The following GFRA2 variants were observed in gnomAD, a reference collection of about 807,000 sequenced individuals.
GFRA2 encodes GDNF family receptor alpha 2.
GFRA2 carries 17 observed loss-of-function variants against 48.3 expected under a neutral mutation model. The ratio of observed to expected loss-of-function variants is 0.35; its 90% confidence interval spans 0.24 to 0.53. The LOEUF is 0.53. Ranked by LOEUF, GFRA2 falls within the 20% of genes least tolerant of loss-of-function variation. GFRA2 has a pLI of 0.93. For synonymous variants in GFRA2, 305 were observed against 257.2 expected (o/e 1.19, Z -1.78); for missense variants, 660 against 637.3 (o/e 1.04, Z -0.38).
At chr8:21,754,553 G>C (rs915486312) in intron 3 of GFRA2, among the ~76,000 whole-genome samples, 48 of 140,504 alleles carry the variant, frequency 3.4e-4, no homozygotes, top group African/African-American at 1.3e-3. Flanking sequence ...TTGTCGCCCA[G>C]GCGGGAGTGC....
intron 2 of GFRA2, 150 bp downstream of exon 2, chr8:21,782,435 C>T: frequency 1.5e-6 from 1 of 647,364 alleles, no homozygotes; most frequent in South Asian, 1.9e-5. Context: ...GGCGACTTCT[C>T]TGGGTTCTAG....
At chr8:21,762,733 T>C (rs960307066) in intron 3 of GFRA2, among the ~76,000 whole-genome samples, 3 of 152,226 alleles carry the variant, frequency 2.0e-5, no homozygotes, top group Admixed American at 6.5e-5. Context: ...AATTAAAAAT[T>C]TAAGTTCTAT....
At chr8:21,736,734 T>G (rs1253970645) in intron 4 of GFRA2, among the ~76,000 whole-genome samples, 1 of 152,120 alleles carries the variant, frequency 6.6e-6, no homozygotes, top group Non-Finnish European at 1.5e-5. Context: ...TCTCCTGGCC[T>G]CAAGCAATCC....
At chr8:21,771,853 C>A (rs1806452187) in intron 3 of GFRA2, among the ~76,000 whole-genome samples, 1 of 152,092 alleles carries the variant, frequency 6.6e-6, no homozygotes, top group Non-Finnish European at 1.5e-5. Flanking sequence ...GTGAAGGGGG[C>A]AGCACGCAGG....
chr8:21,696,720 G>C (rs528591958), intron 7 of GFRA2, among the ~76,000 whole-genome samples: 13 of 152,318 alleles, frequency 8.5e-5, no homozygotes, highest in African/African-American at 2.9e-4. Flanking sequence ...CTCGGAGTGA[G>C]CAGAACTTGA....
At chr8:21,772,542 C>T (rs1806486714) in intron 3 of GFRA2, among the ~76,000 whole-genome samples, 1 of 152,148 alleles carries the variant, frequency 6.6e-6, no homozygotes, top group Admixed American at 6.5e-5. Flanking sequence ...TCCCCAGACA[C>T]AGCTGCCTAC....
intron 2 of GFRA2, among the ~76,000 whole-genome samples, chr8:21,800,019 G>A (rs1807743562): frequency 1.3e-5 from 2 of 152,182 alleles, no homozygotes; most frequent in South Asian, 2.1e-4. Context: ...GACATCTCCA[G>A]CTTCTAACCT....
chr8:21,772,703 G>T (rs1195878658), intron 3 of GFRA2, among the ~76,000 whole-genome samples: 2 of 152,160 alleles, frequency 1.3e-5, no homozygotes, highest in Admixed American at 6.5e-5. Context: ...GTTATCTCTG[G>T]GCAGCAGGTA....
intron 3 of GFRA2, among the ~76,000 whole-genome samples, chr8:21,755,805 G>C (rs1429162412): frequency 6.6e-6 from 1 of 152,248 alleles, no homozygotes; most frequent in Non-Finnish European, 1.5e-5. Flanking sequence ...TGGAAACCAA[G>C]GCAAGGAATG....
At chr8:21,697,394 T>A (rs1164607032) in intron 7 of GFRA2, among the ~76,000 whole-genome samples, 1 of 151,958 alleles carries the variant, frequency 6.6e-6, no homozygotes, top group East Asian at 1.9e-4. Context: ...ATGCTGATTA[T>A]CAGGGGACAG....
chr8:21,784,468 C>G, intron 1 of GFRA2: 3 of 392,256 alleles, frequency 7.6e-6, no homozygotes, highest in Admixed American at 5.3e-5. Flanking sequence ...CAGCCACTCT[C>G]AGGCCATCCC....
chr8:21,704,853 G>A, intron 6 of GFRA2, 132 bp downstream of exon 6: 1 of 745,672 alleles, frequency 1.3e-6, no homozygotes, highest in South Asian at 1.6e-5. Flanking sequence ...GGTCCCCACG[G>A]GCAACACCCA....
chr8:21,712,619 G>T (rs1350590108), intron 4 of GFRA2, among the ~76,000 whole-genome samples: 1 of 151,866 alleles, frequency 6.6e-6, no homozygotes, highest in African/African-American at 2.4e-5. Context: ...GCCGGGCAGA[G>T]GCTGCAATCT....
chr8:21,765,608 T>C (rs74221716), intron 3 of GFRA2, among the ~76,000 whole-genome samples: 29,219 of 151,832 alleles, frequency 0.19, 2,957 homozygotes, highest in South Asian at 0.25. Flanking sequence ...ACACTGTCTA[T>C]ATGCTAATCA....
chr8:21,730,744 A>T (rs1254756885), intron 4 of GFRA2, among the ~76,000 whole-genome samples: 1 of 152,122 alleles, frequency 6.6e-6, no homozygotes, highest in Non-Finnish European at 1.5e-5. Context: ...TACAGCCCTC[A>T]AGGTCCCACC....
At chr8:21,774,920 T>A (rs1806620907) in intron 3 of GFRA2, 52 bp downstream of exon 3, 3 of 984,776 alleles carry the variant, frequency 3.0e-6, no homozygotes, top group Non-Finnish European at 4.9e-6. Context: ...CCATCTGCCA[T>A]GCCACAGGGA....
At chr8:21,737,347 C>T (rs567887321) in intron 4 of GFRA2, among the ~76,000 whole-genome samples, 4 of 151,362 alleles carry the variant, frequency 2.6e-5, no homozygotes, top group Admixed American at 6.6e-5. Context: ...CCAGCCTGGA[C>T]GACAGAGTGA....
chr8:21,694,411 G>T, intron 8 of GFRA2, 53 bp downstream of exon 8: 2 of 1,527,340 alleles, frequency 1.3e-6, no homozygotes, highest in Non-Finnish European at 9.0e-7. Flanking sequence ...GGGAAATGCC[G>T]CCCCCCACCG....
intron 1 of GFRA2, among the ~76,000 whole-genome samples, chr8:21,787,197 T>G (rs1298514526): frequency 1.4e-5 from 2 of 141,056 alleles, no homozygotes; most frequent in Non-Finnish European, 3.0e-5. Context: ...GGGAATTCTG[T>G]GTGGAAAAGA....
Sources: allele counts gnomAD v4.1 joint callset (sites outside exome capture counted in the v4.1 genomes callset), GRCh38; gene constraint gnomAD v4.1.1; transcripts MANE v1.5; gene names NCBI Gene and HGNC (gene_info 2026-07-23, HGNC 2026-07-21).